Variants in CHDH observed in about 807,000 individuals in gnomAD.
The protein encoded by CHDH is choline dehydrogenase, also known as choline dehydrogenase, mitochondrial.
A neutral mutation model predicts 56.9 loss-of-function variants in CHDH; 43 were observed. The ratio of observed to expected loss-of-function variants is 0.76; its 90% CI spans 0.59 to 0.97. CHDH has a LOEUF of 0.97. Among genes scored for constraint, CHDH ranks in the 50% least tolerant of loss-of-function variants. The pLI, the probability that CHDH is intolerant of heterozygous loss-of-function variation, is 0.00. For synonymous variants in CHDH, 364 were observed against 348.5 expected, an observed-to-expected ratio of 1.04 and a Z score of -0.50; for missense variants, 816 against 821.1, an observed-to-expected ratio of 0.99 and a Z score of 0.08.
At chr3:53,834,981 A>G (rs1698452778) in intron 2 of CHDH, among the ~76,000 whole-genome samples, 1 of 152,228 alleles carries the variant, frequency 6.6e-6, no homozygotes, top group Non-Finnish European at 1.5e-5. Context: ...CAGGCTGGAC[A>G]AGGCCAATGA....
chr3:53,828,640 GAGA>G (rs1698233463), intron 2 of CHDH, among the ~76,000 whole-genome samples: 1 of 152,200 alleles, frequency 6.6e-6, no homozygotes, highest in South Asian at 2.1e-4. Flanking sequence ...AGATGCATAT[GAGA>G]AGATCGTCCA....
At chr3:53,823,203 C>G in intron 3 of CHDH, 103 bp downstream of exon 3, 1 of 1,130,948 alleles carries the variant, frequency 8.8e-7, no homozygotes, top group Non-Finnish European at 1.2e-6. Flanking sequence ...CTGCCCATGC[C>G]TCCTGACCAT....
intron 2 of CHDH, among the ~76,000 whole-genome samples, chr3:53,840,159 C>T (rs1698626906): frequency 6.6e-6 from 1 of 152,002 alleles, no homozygotes; most frequent in Non-Finnish European, 1.5e-5. Flanking sequence ...TTTGACAGGT[C>T]AGTATGGTGA....
At position 53,843,206 on chromosome 3, in the gene CHDH, G is replaced by T. The variant is rs6445608; in HGVS notation, c.-130-2207C>A. 3.0e-3 allele frequency among the ~76,000 whole-genome samples: 373 copies of T among 123,388 alleles called. 1 individual carries two copies. Among genetic ancestry groups the T allele is most frequent in the Non-Finnish European group, 3.3e-3 (210 of 64,372 alleles). 80.9% of individuals were successfully genotyped at this position (123,388 alleles called of 152,430 possible). A position where few individuals can be genotyped will look rare whatever the true frequency, so the allele number is the denominator to read the frequency against. Reference sequence around the variant, plus strand: ...CCCCCACCTTTTTTTTTTTTTTTTGGTTCTGCCTCTCCTGCCCCTAAATTT... The same window carrying T: ...CCCCCACCTTTTTTTTTTTTTTTTGTTTCTGCCTCTCCTGCCCCTAAATTT... On this transcript the variant is annotated intron_variant, in intron 1 of 8. Coordinates refer to ENST00000315251, the MANE Select transcript of CHDH (RefSeq NM_018397.5).
chr3:53,821,733 T>C lies in CHDH; in HGVS notation c.899A>G (p.Asn300Ser), dbSNP rs748726748. The change falls in exon 5 of 9, where the codon AAC becomes AGC. Residue 300 changes from asparagine (N) to serine (S), a missense_variant. By Grantham distance (46) the Asn-to-Ser change is conservative. Transcript: ENST00000315251. ...KEVILSGGAI[N>S]SPQLLMLSGI... Reference sequence around the variant, plus strand: ...AGAGAGCATGAGCAGCTGTGGAGAGTTGATGGCACCTCCACTCAGAATCAC... The same window carrying C: ...AGAGAGCATGAGCAGCTGTGGAGAGCTGATGGCACCTCCACTCAGAATCAC... 6 of 1,613,466 alleles carry C rather than the reference T, an allele frequency of 3.7e-6. No homozygotes were observed. The highest frequency in any genetic ancestry group is 5.1e-6 in the Non-Finnish European group (6 of 1,179,836).
intron 2 of CHDH, among the ~76,000 whole-genome samples, chr3:53,824,313 C>T (rs2095634875): frequency 6.6e-6 from 1 of 152,258 alleles, no homozygotes; most frequent in African/African-American, 2.4e-5. Flanking sequence ...AAATGCTTCC[C>T]TGTGCCCTGT....
chr3:53,820,632 G>A (rs1444100133), intron 5 of CHDH, 24 bp from the exon 6 acceptor site: 2 of 1,600,336 alleles, frequency 1.2e-6, no homozygotes, highest in Non-Finnish European at 1.7e-6. Context: ...GAGTGGTTTA[G>A]AAAATGGCTA....
At chr3:53,839,050 T>A (rs1014014647) in intron 2 of CHDH, among the ~76,000 whole-genome samples, 1 of 152,146 alleles carries the variant, frequency 6.6e-6, no homozygotes, top group Non-Finnish European at 1.5e-5. Context: ...GCCAGGGTGA[T>A]GTCAGAACAA....
rs2095614477 is a variant in CHDH, at chr3:53,815,667, C to T, written c.*2110G>A. On this transcript the variant is annotated 3_prime_UTR_variant, in exon 9 of 9. Coordinates refer to ENST00000315251, the MANE Select transcript of CHDH (RefSeq NM_018397.5). ...AACCCACCATGGTCTCAGACACTGA[C>T]ACACCCATGGGACACAGAGATGGTA... 6.6e-6 allele frequency: 1 copy of T among 152,236 alleles called. No homozygotes were observed. Among genetic ancestry groups the T allele is most frequent in the Admixed American group, 6.5e-5 (1 of 15,288 alleles). The allele number at this position is 152,236 out of a possible 1,614,324, so 9.4% of individuals were successfully genotyped here.
intron 2 of CHDH, among the ~76,000 whole-genome samples, chr3:53,828,410 T>A (rs12637132): frequency 0.041 from 6,226 of 152,274 alleles, 286 homozygotes; most frequent in East Asian, 0.21. Flanking sequence ...TGGACTTCAA[T>A]CAAATGTGAG....
intron 2 of CHDH, among the ~76,000 whole-genome samples, chr3:53,832,647 A>G (rs1301759513): frequency 3.9e-5 from 6 of 152,258 alleles, no homozygotes; most frequent in Non-Finnish European, 8.8e-5. Flanking sequence ...CACATGCTAC[A>G]GCTTGGCTGG....
At chr3:53,842,145 A>G (rs1412188065) in intron 1 of CHDH, among the ~76,000 whole-genome samples, 1 of 151,834 alleles carries the variant, frequency 6.6e-6, no homozygotes, top group Non-Finnish European at 1.5e-5. Flanking sequence ...AAGAAAAAAG[A>G]AAAAAAGAAA....
chr3:53,832,859 T>A (rs1698380833), intron 2 of CHDH, among the ~76,000 whole-genome samples: 1 of 152,222 alleles, frequency 6.6e-6, no homozygotes, highest in Admixed American at 6.5e-5. Flanking sequence ...AAACGGATAG[T>A]GGTGATGGGT....
chr3:53,817,293 G>A lies in CHDH; in HGVS notation c.*484C>T. ...AGGGACACTGGGGACTTATGTGCCA[G>A]CCCAGGCTGAACTAACTACTGTGTG... On this transcript the variant is annotated 3_prime_UTR_variant, in exon 9 of 9. Transcript: ENST00000315251. 6.3e-6 allele frequency: 1 copy of A among 158,080 alleles called. No individual in the cohort carries two copies. 9.8% of individuals were successfully genotyped at this position (158,080 alleles called of 1,614,324 possible).
chr3:53,820,850 G>A (rs952157755), intron 5 of CHDH, among the ~76,000 whole-genome samples: 1 of 152,248 alleles, frequency 6.6e-6, no homozygotes, highest in Non-Finnish European at 1.5e-5. Flanking sequence ...TCCTACGGCA[G>A]CCTCTGGGTG....
In CHDH at chr3:53,816,131, AC is replaced by A; in HGVS notation, c.*1645del. On this transcript the variant is annotated 3_prime_UTR_variant, in exon 9 of 9. Coordinates refer to ENST00000315251, the MANE Select transcript of CHDH (RefSeq NM_018397.5). ...CAGAAAACTAACTTGTGGCTGTCGG[AC>A]GCCCCCCCCCCCCGCCCCAGTCTGT... 2 of 86,994 alleles carry A rather than the reference AC, an allele frequency of 2.3e-5. No homozygotes were observed. The highest frequency in any genetic ancestry group is 3.9e-4 in the South Asian group (1 of 2,558). The allele number at this position is 86,994 out of a possible 1,614,324, so 5.4% of individuals were successfully genotyped here. A position where few individuals can be genotyped will look rare whatever the true frequency, so the allele number is the denominator to read the frequency against.
intron 2 of CHDH, among the ~76,000 whole-genome samples, chr3:53,836,445 T>G (rs1698498585): frequency 1.3e-5 from 2 of 152,188 alleles, no homozygotes; most frequent in Non-Finnish European, 2.9e-5. Context: ...TGCTGTTCTC[T>G]CCTCCAGGTA....
Position 53,820,582 on chromosome 3 carries a change from G to A in CHDH, c.1012C>T (p.Leu338=), listed in dbSNP as rs867525204. Reference sequence around the variant, plus strand: ...CATGCCTGCTGAATGTAGATCTCCAGGTGGTCTTGCAGGTTCTGGCCAACC... The same window carrying A: ...CATGCCTGCTGAATGTAGATCTCCAAGTGGTCTTGCAGGTTCTGGCCAACC... The part of the protein sequence containing the change: ...PGVGQNLQDH[L]EIYIQQACTR... Residue 338 remains leucine, a synonymous_variant, in exon 6 of 9, where the codon CTG becomes TTG. Transcript: ENST00000315251. 1 of 1,610,724 alleles carries A rather than the reference G, an allele frequency of 6.2e-7. No homozygotes were observed. The highest frequency in any genetic ancestry group is 1.7e-4 in the Middle Eastern group (1 of 6,044).
intron 4 of CHDH, among the ~76,000 whole-genome samples, chr3:53,822,059 TAG>T (rs1441608999): frequency 6.6e-6 from 1 of 152,112 alleles, no homozygotes; most frequent in African/African-American, 2.4e-5. Context: ...GTGGGTGGTT[TAG>T]AGAGAGCAAG....
Sources: allele counts gnomAD v4.1 joint callset (sites outside exome capture counted in the v4.1 genomes callset), GRCh38; gene constraint gnomAD v4.1.1; transcripts MANE v1.5; gene names NCBI Gene and HGNC (gene_info 2026-07-23, HGNC 2026-07-21).